The following HAVCR1 variants were observed in gnomAD, a reference collection of about 807,000 sequenced individuals.
HAVCR1 encodes T cell immunoglobin domain and mucin domain protein 1.
HAVCR1 carries 34 observed loss-of-function variants against 32.0 expected under a neutral mutation model. The ratio of observed to expected loss-of-function variants is 1.06; its 90% confidence interval spans 0.81 to 1.42. The LOEUF is 1.42. HAVCR1 is among the 40% of genes most tolerant of loss of function. The pLI, the probability that HAVCR1 is intolerant of heterozygous loss-of-function variation, is 0.00. For synonymous variants in HAVCR1, 178 were observed against 170.3 expected (o/e 1.05, Z -0.35); for missense variants, 420 against 442.3 (o/e 0.95, Z 0.45).
chr5:157,037,264 C>A lies in HAVCR1; in HGVS notation c.935G>T (p.Gly312Val). Residue 312 changes from glycine (G) to valine (V), a missense_variant, in exon 7 of 9, where the codon GGT (glycine) becomes GTT (valine). Coordinates refer to ENST00000523175, the MANE Select transcript of HAVCR1 (RefSeq NM_001173393.3). Reference sequence around the variant, plus strand: ...TGACTTACTTTTGGCAATGATGACACCCAAAAGAGCAAGAAGCACCAAGAC... The same window carrying A: ...TGACTTACTTTTGGCAATGATGACAACCAAAAGAGCAAGAAGCACCAAGAC... The part of the protein sequence containing the change: ...ISVLVLLALL[G>V]VIIAKKYFFK... 2 of 1,585,588 alleles carry A rather than the reference C, an allele frequency of 1.3e-6. No individual in the cohort carries two copies. The highest frequency in any genetic ancestry group is 1.7e-6 in the Non-Finnish European group (2 of 1,154,064).
chr5:157,033,154 C>T (rs1378801059), intron 7 of HAVCR1, among the ~76,000 whole-genome samples: 1 of 129,804 alleles, frequency 7.7e-6, no homozygotes, highest in Admixed American at 7.1e-5. Flanking sequence ...AATTATCTTT[C>T]ATTTTTTTAA....
chr5:157,055,440 C>T lies in HAVCR1; in HGVS notation c.140G>A (p.Trp47Ter). ...HYSGAVTSMC[W>*]NRGSCSLFTC... The stretch of plus-strand genomic sequence containing the variant: ...GAATAGAGAACATGAGCCTCTATTC[C>T]AGCACATGGATGTGACAGCTCCACT... The change falls in exon 3 of 9, where the codon TGG becomes TAG. Residue 47 changes from tryptophan (W) to a stop codon, truncating the protein, a stop_gained. Transcript: ENST00000523175. LOFTEE classifies it high-confidence loss of function. 2 of 1,609,346 alleles carry T rather than the reference C, an allele frequency of 1.2e-6. No individual in the cohort carries two copies. Among genetic ancestry groups the T allele is most frequent in the East Asian group, 2.2e-5 (1 of 44,842 alleles).
Position 157,044,586 on chromosome 5 carries a change from G to GGAAAGAAAGAAAGAAAGAAA in HAVCR1, c.782-1924_782-1905dup, listed in dbSNP as rs72157678. Among the ~76,000 whole-genome samples, 322 of 56,378 alleles carry GGAAAGAAAGAAAGAAAGAAA rather than the reference G, an allele frequency of 5.7e-3. 17 individuals carry two copies. The highest frequency in any genetic ancestry group is 0.012 in the South Asian group (13 of 1,066). 37.0% of individuals were successfully genotyped at this position (56,378 alleles called of 152,430 possible). A position where few individuals can be genotyped will look rare whatever the true frequency, so the allele number is the denominator to read the frequency against. On this transcript the variant is annotated intron_variant, in intron 5 of 8. Transcript: ENST00000523175. Reference sequence around the variant, plus strand: ...GAGAGAAAGAAAGACAAAGAAAGAAGGAAAGAAAGAAAGAAAGAAAGAAAG... The same window carrying GGAAAGAAAGAAAGAAAGAAA: ...GAGAGAAAGAAAGACAAAGAAAGAAGGAAAGAAAGAAAGAAAGAAAGAAAGAAAGAAAGAAAGAAAGAAAG...
chr5:157,057,997 C>T, intron 1 of HAVCR1, 42 bp from the exon 2 acceptor site: 1 of 1,322,496 alleles, frequency 7.6e-7, no homozygotes, highest in Non-Finnish European at 1.1e-6. Context: ...TACCCTCCAC[C>T]AGATGGTATC....
Position 157,033,061 on chromosome 5 carries a change from C to T in HAVCR1, c.953-174G>A, listed in dbSNP as rs1754267908. Among the ~76,000 whole-genome samples the T allele has an allele frequency of 1.3e-5, 2 of 152,130 alleles. 1 individual carries two copies. The highest frequency in any genetic ancestry group is 4.1e-4 in the South Asian group (2 of 4,824). ...TTTGATTCTGCAGGACCCAAACAAG[C>T]CATTTACTGTCCAGTATCTCAATTT... On this transcript the variant is annotated intron_variant, in intron 7 of 8. Transcript: ENST00000523175.
chr5:157,047,961 G>A (rs1179958380), intron 5 of HAVCR1, among the ~76,000 whole-genome samples: 1 of 152,140 alleles, frequency 6.6e-6, no homozygotes, highest in East Asian at 1.9e-4. Context: ...TAAAGACACA[G>A]CCGGTGTCCA....
At chr5:157,031,008 G>T (rs190651751) in intron 8 of HAVCR1, among the ~76,000 whole-genome samples, 2 of 145,016 alleles carry the variant, frequency 1.4e-5, no homozygotes, top group Admixed American at 6.9e-5. Context: ...GTTAGTGTGG[G>T]TTTTTTTTTT....
At chr5:157,055,102 G>C (rs1429661240) in intron 3 of HAVCR1, 99 bp downstream of exon 3, 3 of 637,482 alleles carry the variant, frequency 4.7e-6, no homozygotes, top group Non-Finnish European at 8.3e-6. Flanking sequence ...TTAAAAACAG[G>C]ACTTACGGGA....
chr5:157,061,717 T>C (rs1050615528), upstream of HAVCR1, among the ~76,000 whole-genome samples: 4 of 134,588 alleles, frequency 3.0e-5, no homozygotes, highest in African/African-American at 1.1e-4. Context: ...AAAAAAAAAG[T>C]TATTAATTGA....
In HAVCR1 at chr5:157,052,450, C is replaced by G. The variant is rs1435844754; in HGVS notation, c.584G>C (p.Ser195Thr). The change falls in exon 4 of 9, where the codon AGC (serine) becomes ACC (threonine). Residue 195 changes from serine to threonine, a missense_variant. Coordinates refer to ENST00000523175, the MANE Select transcript of HAVCR1 (RefSeq NM_001173393.3). ...STTTSVPTTT[S>T]IPTTTSVPVT... ...TGGAACACTTGTTGTTGTTGGAATGCTCGTTGTCGTTGGAACGCTCGTTGT... is the reference window on the plus strand; with the variant it reads ...TGGAACACTTGTTGTTGTTGGAATGGTCGTTGTCGTTGGAACGCTCGTTGT... 1 of 1,612,316 alleles carries G rather than the reference C, an allele frequency of 6.2e-7. No individual in the cohort carries two copies. The highest frequency in any genetic ancestry group is 1.3e-5 in the African/African-American group (1 of 74,858).
chr5:157,037,194 G>A, intron 7 of HAVCR1, 53 bp downstream of exon 7: 1 of 858,372 alleles, frequency 1.2e-6, no homozygotes, highest in South Asian at 1.3e-5. Context: ...GTGAACCCAG[G>A]CAATTTTGCT....
At chr5:157,035,178 A>ATTTT (rs36072678) in intron 7 of HAVCR1, among the ~76,000 whole-genome samples, 1 of 148,984 alleles carries the variant, frequency 6.7e-6, no homozygotes, top group Non-Finnish European at 1.5e-5. Context: ...CTAATAATCT[A>ATTTT]TTTTTTTTTT....
chr5:157,044,441 A>AGG (rs1755142585), intron 5 of HAVCR1, among the ~76,000 whole-genome samples: 4 of 47,978 alleles, frequency 8.3e-5, no homozygotes, highest in East Asian at 4.7e-4. Flanking sequence ...GAAAGAAAGA[A>AGG]AGAAAGAAAG....
In HAVCR1 at chr5:157,052,367, C is replaced by T. The variant is rs369956191; in HGVS notation, c.667G>A (p.Glu223Lys). ...PPMPLPRQNHEPVATSPSSPQ... is the reference protein window; with the variant it reads ...PPMPLPRQNHKPVATSPSSPQ... ...CCAAACACATCTGTTTTACCTGGTT[C>T]ATGGTTCTGCCTGGGCAAAGGCATT... Residue 223 changes from glutamate (E) to lysine (K), a missense_variant, in exon 4 of 9, where the codon GAA becomes AAA. Glu to Lys is a moderately conservative substitution (Grantham distance 56, BLOSUM62 1). Coordinates refer to ENST00000523175, the MANE Select transcript of HAVCR1 (RefSeq NM_001173393.3). 6.2e-7 allele frequency: 1 copy of T among 1,614,096 alleles called. No individual in the cohort carries two copies. The highest frequency in any genetic ancestry group is 1.3e-5 in the African/African-American group (1 of 75,056).
At chr5:157,043,953 C>T (rs1222127159) in intron 5 of HAVCR1, among the ~76,000 whole-genome samples, 1 of 152,160 alleles carries the variant, frequency 6.6e-6, no homozygotes, top group Admixed American at 6.5e-5. Flanking sequence ...TGCTATAGGG[C>T]TCAACATGAA....
chr5:157,033,672 C>T (rs1010853785), intron 7 of HAVCR1, among the ~76,000 whole-genome samples: 1 of 152,090 alleles, frequency 6.6e-6, no homozygotes, highest in African/African-American at 2.4e-5. Context: ...TTTGTCCTGC[C>T]CTACAGTCTG....
intron 5 of HAVCR1, among the ~76,000 whole-genome samples, chr5:157,046,973 G>A (rs1472296298): frequency 6.6e-6 from 1 of 152,112 alleles, no homozygotes; most frequent in East Asian, 1.9e-4. Context: ...ATGAATTTAG[G>A]GGTGTGGTGT....
chr5:157,057,459 G>T (rs1756276963), intron 2 of HAVCR1, among the ~76,000 whole-genome samples: 1 of 107,222 alleles, frequency 9.3e-6, no homozygotes, highest in Admixed American at 9.2e-5. Context: ...AAGAAAGAAA[G>T]AAAGAGAATT....
At chr5:157,047,783 A>G (rs1197065487) in intron 5 of HAVCR1, among the ~76,000 whole-genome samples, 1 of 152,084 alleles carries the variant, frequency 6.6e-6, no homozygotes, top group African/African-American at 2.4e-5. Flanking sequence ...ATAGAACCCA[A>G]AGAGAGGGTT....
Sources: gnomAD v4.1 joint callset for allele counts (sites outside exome capture counted in the v4.1 genomes callset) on GRCh38, gnomAD v4.1.1 for gene constraint, MANE v1.5 for transcripts, NCBI Gene and HGNC (gene_info 2026-07-23, HGNC 2026-07-21) for gene names.